PYHIN1: variants seen among roughly 807,000 people sequenced by gnomAD.
The protein encoded by PYHIN1 is pyrin and HIN domain family member 1, also known as pyrin and HIN domain-containing protein 1.
PYHIN1 carries 32 observed loss-of-function variants against 43.7 expected under a neutral mutation model. That is an observed-to-expected ratio of 0.73 (90% CI 0.55 to 0.98). PYHIN1 has a LOEUF of 0.98. PYHIN1 is among the 50% of genes least tolerant of loss of function. The pLI, the probability that PYHIN1 is intolerant of heterozygous loss-of-function variation, is 0.00. For synonymous variants in PYHIN1, 205 were observed against 203.1 expected, an observed-to-expected ratio of 1.01 and a Z score of -0.08; for missense variants, 588 against 589.5, an observed-to-expected ratio of 1.00 and a Z score of 0.03.
At chr1:158,945,121 C>G (rs762683967) in intron 7 of PYHIN1, 79 bp downstream of exon 7, 23 of 1,368,504 alleles carry the variant, frequency 1.7e-5, no homozygotes, top group Non-Finnish European at 1.9e-5. Flanking sequence ...AAGAGTTTCT[C>G]TTCTAATCCC....
rs559379457 is a variant in PYHIN1, at chr1:158,957,452, A to T, written c.1359+12410A>T. The stretch of plus-strand genomic sequence containing the variant: ...ACAGAGCCCGCAGAAATAATGCCGC[A>T]TATCTACAACTATCTGATCTTTGAC... On this transcript the variant is annotated intron_variant, in intron 7 of 8. Transcript: ENST00000368140. 4.7e-3 allele frequency among the ~76,000 whole-genome samples: 716 copies of T among 151,894 alleles called. 12 individuals carry two copies. Among genetic ancestry groups the T allele is most frequent in the African/African-American group, 0.016 (671 of 41,414 alleles).
At chr1:158,977,692 C>T (rs986149526), downstream of PYHIN1, among the ~76,000 whole-genome samples, 5 of 152,146 alleles carry the variant, frequency 3.3e-5, no homozygotes, top group Admixed American at 1.3e-4. Context: ...GTCATTTAAT[C>T]TTCACCGTAG....
chr1:158,979,396 A>G (rs1651410494), downstream of PYHIN1, among the ~76,000 whole-genome samples: 1 of 152,180 alleles, frequency 6.6e-6, no homozygotes, highest in African/African-American at 2.4e-5. Context: ...GGACTCATGC[A>G]GTATTTATTC....
At chr1:158,986,409 C>A in the PYHIN1 span, among the ~76,000 whole-genome samples, 3 of 152,178 alleles carry the variant, frequency 2.0e-5, no homozygotes, top group Non-Finnish European at 4.4e-5. Context: ...TGTGCTCTAC[C>A]CCTAGGGGTC....
At chr1:158,944,261 G>C (rs1170916937) in intron 6 of PYHIN1, among the ~76,000 whole-genome samples, 3 of 152,214 alleles carry the variant, frequency 2.0e-5, no homozygotes, top group African/African-American at 7.2e-5. Context: ...TCAAAACCAA[G>C]TTCTTTGCAG....
chr1:158,972,249 T>A (rs1650974234), intron 7 of PYHIN1, among the ~76,000 whole-genome samples: 1 of 152,038 alleles, frequency 6.6e-6, no homozygotes, highest in Admixed American at 6.6e-5. Context: ...ACAAACCCCA[T>A]CTGGTAGTTC....
At chr1:158,966,670 G>A (rs1180411474) in intron 7 of PYHIN1, among the ~76,000 whole-genome samples, 1 of 152,002 alleles carries the variant, frequency 6.6e-6, no homozygotes, top group Non-Finnish European at 1.5e-5. Context: ...ATCCCTTCAT[G>A]TTAAAAACCC....
chr1:158,980,497 T>C (rs1336239077), downstream of PYHIN1, among the ~76,000 whole-genome samples: 1 of 151,998 alleles, frequency 6.6e-6, no homozygotes, highest in African/African-American at 2.4e-5. Flanking sequence ...AATGTTAATA[T>C]TAATACCCTG....
At chr1:158,935,295 T>TAAA (rs74959752) in intron 1 of PYHIN1, among the ~76,000 whole-genome samples, 4 of 126,922 alleles carry the variant, frequency 3.2e-5, no homozygotes, top group African/African-American at 1.2e-4. Context: ...TGCCAGAGGT[T>TAAA]AAAAAAAAAA....
At chr1:158,948,547 G>A (rs1354426172) in intron 7 of PYHIN1, among the ~76,000 whole-genome samples, 1 of 152,174 alleles carries the variant, frequency 6.6e-6, no homozygotes, top group African/African-American at 2.4e-5. Context: ...TCGAGGGATT[G>A]CAGTAGTGCA....
chr1:158,945,259 CA>C (rs1308583368), intron 7 of PYHIN1: 1 of 421,424 alleles, frequency 2.4e-6, no homozygotes, highest in African/African-American at 2.0e-5. Flanking sequence ...TTGCTGACCA[CA>C]AGAGGGCTAG....
intron 7 of PYHIN1, among the ~76,000 whole-genome samples, chr1:158,958,785 T>TAAA (rs34504261): frequency 7.7e-6 from 1 of 129,404 alleles, no homozygotes. Flanking sequence ...AAAAATAAAT[T>TAAA]AAAAAAAAAA....
the PYHIN1 span, among the ~76,000 whole-genome samples, chr1:158,985,420 C>T: frequency 2.0e-5 from 3 of 152,098 alleles, no homozygotes; most frequent in African/African-American, 4.8e-5. Context: ...AAGCTTGGTT[C>T]GGCTGGATAT....
At chr1:158,952,403 A>C (rs1383459481) in intron 7 of PYHIN1, among the ~76,000 whole-genome samples, 1 of 151,384 alleles carries the variant, frequency 6.6e-6, no homozygotes, top group Non-Finnish European at 1.5e-5. Context: ...TGGGTTTATG[A>C]TTGCCTCGTT....
the PYHIN1 span, among the ~76,000 whole-genome samples, chr1:158,983,717 C>A: frequency 6.6e-6 from 1 of 152,140 alleles, no homozygotes; most frequent in African/African-American, 2.4e-5. Flanking sequence ...GGATTGGTAT[C>A]AGCTCCTCCT....
downstream of PYHIN1, among the ~76,000 whole-genome samples, chr1:158,981,001 T>C (rs1651467447): frequency 6.6e-6 from 1 of 152,154 alleles, no homozygotes; most frequent in Non-Finnish European, 1.5e-5. Flanking sequence ...CTCTTTGTAC[T>C]GTCTTTATTT....
Position 158,938,490 on chromosome 1 carries a change from C to T in PYHIN1, c.359C>T (p.Thr120Ile). The T allele has an allele frequency of 6.2e-7, 1 of 1,614,220 alleles. No homozygotes were observed. Among genetic ancestry groups the T allele is most frequent in the South Asian group, 1.1e-5 (1 of 91,088 alleles). ...KEVYPATPACTPSNRLTAKGA... is the reference protein window; with the variant it reads ...KEVYPATPACIPSNRLTAKGA... ...GTGTATCCTGCTACACCTGCATGCACCCCAAGCAACCGTCTCACAGCTAAA... is the reference window on the plus strand; with the variant it reads ...GTGTATCCTGCTACACCTGCATGCATCCCAAGCAACCGTCTCACAGCTAAA... The change falls in exon 3 of 9, where the codon ACC (threonine) becomes ATC (isoleucine). Residue 120 changes from threonine to isoleucine, a missense_variant. Coordinates refer to ENST00000368140, the MANE Select transcript of PYHIN1 (RefSeq NM_152501.5).
At chr1:158,957,184 G>A (rs904036750) in intron 7 of PYHIN1, among the ~76,000 whole-genome samples, 1 of 140,924 alleles carries the variant, frequency 7.1e-6, no homozygotes, top group African/African-American at 2.7e-5. Flanking sequence ...ACTGCCCAAG[G>A]TAATTTACAG....
Position 158,933,027 on chromosome 1 carries a change from C to T in PYHIN1, c.-21+1251C>T, listed in dbSNP as rs917201171. Among the ~76,000 whole-genome samples the T allele has an allele frequency of 4.0e-5, 6 of 151,752 alleles. No individual in the cohort carries two copies. Among genetic ancestry groups the T allele is most frequent in the African/African-American group, 9.7e-5 (4 of 41,262 alleles). On this transcript the variant is annotated intron_variant, in intron 1 of 8. Coordinates refer to ENST00000368140, the MANE Select transcript of PYHIN1 (RefSeq NM_152501.5). This position sits in a 1 kb window ranked among gnomAD's most constrained non-coding sequence, Gnocchi z 6.3. ...AAATATTGCTATCAATTATGTTGCT[C>T]AAATTTGTAAAAATGTTTTTTTACC...
Sources: allele counts gnomAD v4.1 joint callset (sites outside exome capture counted in the v4.1 genomes callset), GRCh38; gene constraint gnomAD v4.1.1; non-coding constraint Gnocchi (gnomAD v3.1); transcripts MANE v1.5; gene names NCBI Gene and HGNC (gene_info 2026-07-23, HGNC 2026-07-21).